The following PARD3B variants were observed in gnomAD, a reference collection of about 807,000 sequenced individuals.
PARD3B encodes par-3 family cell polarity regulator beta.
Under a neutral mutation model 130.2 loss-of-function variants are expected in PARD3B, and 103 were observed. The observed-to-expected ratio is 0.79, with a 90% CI of 0.67 to 0.93. The LOEUF is 0.93. Ranked by LOEUF, PARD3B falls within the 40% of genes least tolerant of loss-of-function variation. The pLI is 0.00. For missense variants in PARD3B, 1,609 were observed against 1,499.2 expected, an observed-to-expected ratio of 1.07 and a Z score of -1.21; for synonymous variants, 583 against 553.2, an observed-to-expected ratio of 1.05 and a Z score of -0.76.
At chr2:204,735,838 AAAGGAATAATTCACATCCGC>A in intron 2 of PARD3B, among the ~76,000 whole-genome samples, 2 of 151,976 alleles carry the variant, frequency 1.3e-5, no homozygotes, top group East Asian at 1.9e-4. Flanking sequence ...GAAATAAAAG[AAAGGAATAATTCACATCCGC>A]ATAAGGCAAC....
chr2:205,025,645 A>G (rs1475383045), intron 3 of PARD3B, among the ~76,000 whole-genome samples: 3 of 151,854 alleles, frequency 2.0e-5, no homozygotes, highest in African/African-American at 7.3e-5. Context: ...ATGTCATGTT[A>G]TCTGTTTTTC....
chr2:204,685,392 A>G (rs1187505995), intron 1 of PARD3B, among the ~76,000 whole-genome samples: 2 of 152,176 alleles, frequency 1.3e-5, no homozygotes, highest in Admixed American at 1.3e-4. Flanking sequence ...TCCCATCGCT[A>G]TAATGGTTCA....
intron 2 of PARD3B, among the ~76,000 whole-genome samples, chr2:204,879,472 G>A (rs1575196970): frequency 1.3e-5 from 2 of 152,314 alleles, no homozygotes; most frequent in Admixed American, 6.5e-5. Context: ...ACCCATGTGT[G>A]TTGACACTAA....
At chr2:204,942,818 T>A (rs1188073805) in intron 2 of PARD3B, among the ~76,000 whole-genome samples, 7 of 152,138 alleles carry the variant, frequency 4.6e-5, no homozygotes, top group Admixed American at 4.6e-4. Context: ...CAAGTTTATA[T>A]CTCTTTCTGT....
At position 204,686,238 on chromosome 2, in the gene PARD3B, G is replaced by T; in HGVS notation, c.178G>T (p.Asp60Tyr). The T allele has an allele frequency of 2.5e-6, 4 of 1,612,800 alleles. No individual in the cohort carries two copies. The highest frequency in any genetic ancestry group is 3.4e-6 in the Non-Finnish European group (4 of 1,178,992). ...AGAATATACAGATGGAGGAATCCTG[G>T]ATCCAGATGATGTCTTGGCAGATGT... is the stretch of plus-strand genomic sequence containing the variant. ...HLEYTDGGIL[D>Y]PDDVLADVVE... Residue 60 changes from aspartate to tyrosine, a missense_variant, in exon 2 of 23, where the codon GAT becomes TAT. Coordinates refer to ENST00000406610, the MANE Select transcript of PARD3B (RefSeq NM_001302769.2).
At chr2:205,420,252 C>G (rs192446467) in intron 19 of PARD3B, among the ~76,000 whole-genome samples, 1 of 152,290 alleles carries the variant, frequency 6.6e-6, no homozygotes, top group East Asian at 1.9e-4. Flanking sequence ...TCTCATCTCC[C>G]CTGTCTCAGA....
In PARD3B at chr2:205,396,503, G is replaced by A. The variant is rs185524208; in HGVS notation, c.2631-4510G>A. The stretch of plus-strand genomic sequence containing the variant: ...TAGAAATGAACAGAGAAATGGACAG[G>A]TGTTTTAAGCAAACTTATAATTCAT... On this transcript the variant is annotated intron_variant, in intron 18 of 22. Coordinates refer to ENST00000406610, the MANE Select transcript of PARD3B (RefSeq NM_001302769.2). 9.8e-4 allele frequency among the ~76,000 whole-genome samples: 149 copies of A among 152,260 alleles called. 1 individual carries two copies. Among genetic ancestry groups the A allele is most frequent in the Non-Finnish European group, 1.6e-3 (111 of 68,022 alleles).
At chr2:204,865,718 C>G (rs956300283) in intron 2 of PARD3B, among the ~76,000 whole-genome samples, 1 of 152,094 alleles carries the variant, frequency 6.6e-6, no homozygotes, top group Admixed American at 6.6e-5. Flanking sequence ...ACTAAAATCT[C>G]AGAAATTACC....
intron 1 of PARD3B, among the ~76,000 whole-genome samples, chr2:204,654,484 G>A (rs1307888581): frequency 1.4e-5 from 2 of 145,192 alleles, no homozygotes; most frequent in African/African-American, 5.7e-5. Context: ...TAAATGGAAT[G>A]TGGTGATGTT....
At chr2:205,224,016 A>G (rs897758858) in intron 15 of PARD3B, among the ~76,000 whole-genome samples, 1 of 150,982 alleles carries the variant, frequency 6.6e-6, no homozygotes, top group African/African-American at 2.4e-5. Context: ...GTGAGCCAAG[A>G]TCACACCACT....
chr2:205,414,540 A>G (rs2046708776), intron 19 of PARD3B, among the ~76,000 whole-genome samples: 1 of 152,148 alleles, frequency 6.6e-6, no homozygotes, highest in South Asian at 2.1e-4. Context: ...CCTCCTTAAA[A>G]ATTACCTTGA....
At chr2:204,955,915 C>A (rs1174913536) in intron 2 of PARD3B, among the ~76,000 whole-genome samples, 1 of 152,108 alleles carries the variant, frequency 6.6e-6, no homozygotes, top group Non-Finnish European at 1.5e-5. Flanking sequence ...GGGCCTGGTG[C>A]AGATAATTAT....
intron 2 of PARD3B, among the ~76,000 whole-genome samples, chr2:204,790,446 G>A (rs756636574): frequency 7.2e-5 from 11 of 152,282 alleles, no homozygotes; most frequent in Non-Finnish European, 1.0e-4. Flanking sequence ...AACTTCAAGC[G>A]TTGGGAATTA....
chr2:205,602,158 A>G (rs1338627146), intron 22 of PARD3B, among the ~76,000 whole-genome samples: 2 of 152,058 alleles, frequency 1.3e-5, no homozygotes, highest in Non-Finnish European at 2.9e-5. Flanking sequence ...CTTCAGTTCT[A>G]TTTGTGTGAT....
chr2:205,139,766 T>C (rs2032795900), intron 10 of PARD3B, among the ~76,000 whole-genome samples: 1 of 152,098 alleles, frequency 6.6e-6, no homozygotes, highest in Non-Finnish European at 1.5e-5. Flanking sequence ...TCATGGTGGT[T>C]AAGTTAATAA....
At chr2:205,427,171 G>A (rs769454737) in intron 19 of PARD3B, among the ~76,000 whole-genome samples, 6 of 152,164 alleles carry the variant, frequency 3.9e-5, no homozygotes, top group Non-Finnish European at 8.8e-5. Flanking sequence ...AGGTGGCAAT[G>A]CAAAATAAAA....
intron 3 of PARD3B, among the ~76,000 whole-genome samples, chr2:204,995,852 C>T: frequency 7.9e-5 from 1 of 12,624 alleles, no homozygotes; most frequent in Non-Finnish European, 1.5e-4. Context: ...TGCTGATACC[C>T]TTTCTTCCAG....
chr2:204,771,107 A>G (rs2041355190), intron 2 of PARD3B, among the ~76,000 whole-genome samples: 2 of 152,150 alleles, frequency 1.3e-5, no homozygotes, highest in Admixed American at 6.6e-5. Context: ...GCATGTGTGC[A>G]TGCATGAGGA....
Position 205,021,588 on chromosome 2 carries a change from C to T in PARD3B, c.395-25993C>T, listed in dbSNP as rs1280382592. Among the ~76,000 whole-genome samples, 1 of 150,410 alleles carries T rather than the reference C, an allele frequency of 6.6e-6. No homozygotes were observed. The highest frequency in any genetic ancestry group is 1.9e-4 in the East Asian group (1 of 5,146). ...CAACTATATGCTCTCTTCTCTCTCT[C>T]TTCTCTTCTCTCTCTCTCTCTCTCT... On this transcript the variant is annotated intron_variant, in intron 3 of 22. Coordinates refer to ENST00000406610, the MANE Select transcript of PARD3B (RefSeq NM_001302769.2). The surrounding 1 kb of genome is among the most constrained non-coding windows in gnomAD (Gnocchi z 4.5).
Sources: allele counts gnomAD v4.1 joint callset (sites outside exome capture counted in the v4.1 genomes callset), GRCh38; gene constraint gnomAD v4.1.1; non-coding constraint Gnocchi (gnomAD v3.1); transcripts MANE v1.5; gene names NCBI Gene and HGNC (gene_info 2026-07-23, HGNC 2026-07-21).